ZNF624: variants seen among roughly 807,000 people sequenced by gnomAD.
ZNF624 encodes the protein zinc finger protein 624.
A neutral mutation model predicts 74.7 loss-of-function variants in ZNF624; 43 were observed. The ratio of observed to expected loss-of-function variants is 0.58; its 90% confidence interval spans 0.45 to 0.74. ZNF624 has a LOEUF of 0.74. Ranked by LOEUF, ZNF624 falls within the 30% of genes least tolerant of loss-of-function variation. The probability of loss-of-function intolerance (pLI) is 0.00; values close to 1 mark genes in which losing one functional copy is unlikely to be tolerated. For synonymous variants in ZNF624, 331 were observed against 341.3 expected, an observed-to-expected ratio of 0.97 and a Z score of 0.33; for missense variants, 820 against 1,030.0, an observed-to-expected ratio of 0.80 and a Z score of 2.79.
At chr17:16,652,585 T>C (rs1909752505) in intron 1 of ZNF624, among the ~76,000 whole-genome samples, 1 of 152,230 alleles carries the variant, frequency 6.6e-6, no homozygotes, top group Non-Finnish European at 1.5e-5. Flanking sequence ...ATAATTAGAA[T>C]AAACAATATT....
At chr17:16,644,576 T>C (rs941802852) in intron 3 of ZNF624, among the ~76,000 whole-genome samples, 2 of 152,190 alleles carry the variant, frequency 1.3e-5, no homozygotes, top group Non-Finnish European at 2.9e-5. Context: ...ATAAGCCTCA[T>C]ATTCTCTACC....
At chr17:16,646,451 C>T (rs1909594514) in intron 3 of ZNF624, among the ~76,000 whole-genome samples, 1 of 152,084 alleles carries the variant, frequency 6.6e-6, no homozygotes, top group South Asian at 2.1e-4. Context: ...TTTTAAAAAA[C>T]TTAAAAACAT....
At chr17:16,647,248 T>G in intron 3 of ZNF624, 81 bp downstream of exon 3, 1 of 1,208,132 alleles carries the variant, frequency 8.3e-7, no homozygotes, top group Non-Finnish European at 1.2e-6. Flanking sequence ...GAACTTGCAA[T>G]TAACTGGGAA....
intron 3 of ZNF624, among the ~76,000 whole-genome samples, chr17:16,640,882 T>C (rs1244859250): frequency 1.3e-5 from 2 of 152,086 alleles, no homozygotes; most frequent in African/African-American, 4.8e-5. Flanking sequence ...TTACCAAAAC[T>C]AGACAAAGAC....
chr17:16,634,810 C>T, intron 3 of ZNF624, 54 bp from the exon 4 acceptor site: 2 of 1,530,786 alleles, frequency 1.3e-6, no homozygotes, highest in East Asian at 2.3e-5. Flanking sequence ...ACTTGTTAGG[C>T]AGAATTATAC....
At chr17:16,651,244 C>T (rs990449811) in intron 1 of ZNF624, among the ~76,000 whole-genome samples, 2 of 151,810 alleles carry the variant, frequency 1.3e-5, no homozygotes, top group Non-Finnish European at 2.9e-5. Context: ...CTGGCTGACA[C>T]GGTGAAACCC....
chr17:16,640,456 T>TA (rs1909440625), intron 3 of ZNF624, among the ~76,000 whole-genome samples: 1 of 148,788 alleles, frequency 6.7e-6, no homozygotes, highest in African/African-American at 2.5e-5. Flanking sequence ...GCAGAGGAAA[T>TA]AAAAAAGGGC....
chr17:16,650,358 A>G (rs980058708), intron 1 of ZNF624, among the ~76,000 whole-genome samples: 7 of 151,994 alleles, frequency 4.6e-5, no homozygotes, highest in African/African-American at 1.5e-4. Context: ...CTGATATTCA[A>G]ATAGATCTTT....
rs1247732550 is a variant in ZNF624 at position 16,623,423 on chromosome 17, A to G, written c.1463T>C (p.Ile488Thr). 2.5e-6 allele frequency: 4 copies of G among 1,613,994 alleles called. No individual in the cohort carries two copies. Among genetic ancestry groups the G allele is most frequent in the East Asian group, 2.2e-5 (1 of 44,854 alleles). The stretch of plus-strand genomic sequence containing the variant: ...CCCAGTGTGAGTTCTTATATGTACG[A>G]TAAGGCTTGAATTACTTCTATAGGC... ...GKAYRSNSSL[I>T]VHIRTHTGEK... Residue 488 changes from isoleucine to threonine, a missense_variant, in exon 6 of 6, where the codon ATC becomes ACC. Transcript: ENST00000311331. The surrounding 1 kb of genome is among the most constrained non-coding windows in gnomAD (Gnocchi z 5.3).
chr17:16,622,499 G>A lies in ZNF624; in HGVS notation c.2387C>T (p.Thr796Ile). ...GKGCITLSQLTLHQRIHTGER... is the reference protein window; with the variant it reads ...GKGCITLSQLILHQRIHTGER... ...CCCAGTATGAATTCTCTGATGTAGG[G>A]TTAGCTGTGATAGAGTAATACAACC... is the stretch of plus-strand genomic sequence containing the variant. Residue 796 changes from threonine to isoleucine, a missense_variant, in exon 6 of 6, where the codon ACC becomes ATC. Thr to Ile is a moderately conservative substitution (Grantham distance 89). Coordinates refer to ENST00000311331, the MANE Select transcript of ZNF624 (RefSeq NM_020787.4). 2 of 1,613,826 alleles carry A rather than the reference G, an allele frequency of 1.2e-6. No individual in the cohort carries two copies. Among genetic ancestry groups the A allele is most frequent in the Non-Finnish European group, 1.7e-6 (2 of 1,179,834 alleles).
intron 2 of ZNF624, 44 bp from the exon 3 acceptor site, chr17:16,647,438 T>G: frequency 6.4e-7 from 1 of 1,559,158 alleles, no homozygotes; most frequent in Non-Finnish European, 8.9e-7. Context: ...AGGCTGCCTA[T>G]GACTTACAGC....
At chr17:16,618,185 A>AC (rs1324806945), downstream of ZNF624, among the ~76,000 whole-genome samples, 1 of 152,062 alleles carries the variant, frequency 6.6e-6, no homozygotes, top group African/African-American at 2.4e-5. Flanking sequence ...CTAAAAAAAA[A>AC]ATACAAAAAA....
Position 16,633,949 on chromosome 17 carries a change from C to T in ZNF624, c.289G>A (p.Val97Ile), listed in dbSNP as rs1188745525. 4 of 1,612,832 alleles carry T rather than the reference C, an allele frequency of 2.5e-6. No individual in the cohort carries two copies. The highest frequency in any genetic ancestry group is 3.4e-6 in the Non-Finnish European group (4 of 1,179,360). The change falls in exon 5 of 6, where the codon GTT (valine) becomes ATT (isoleucine). Residue 97 changes from valine to isoleucine, a missense_variant. Physicochemically the swap from Val to Ile is conservative, Grantham distance 29. Transcript: ENST00000311331. ...TGAGATATCATGTCTGGTTTGGAAACTGCAAGCCCTGTCCAGAGAAAAATA... is the reference window on the plus strand; with the variant it reads ...TGAGATATCATGTCTGGTTTGGAAATTGCAAGCCCTGTCCAGAGAAAAATA... ...YRNLVSLGLA[V>I]SKPDMISHLE...
At chr17:16,620,050 G>T (rs923162650), downstream of ZNF624, among the ~76,000 whole-genome samples, 2 of 152,192 alleles carry the variant, frequency 1.3e-5, no homozygotes, top group Non-Finnish European at 2.9e-5. Flanking sequence ...ATGTCAAATT[G>T]TTCATTTATG....
chr17:16,626,120 T>C (rs1405119892), intron 5 of ZNF624, among the ~76,000 whole-genome samples: 1 of 152,122 alleles, frequency 6.6e-6, no homozygotes, highest in Admixed American at 6.6e-5. Context: ...CAGCTAATTT[T>C]TCTTATTTTT....
chr17:16,649,893 G>A, intron 1 of ZNF624, 147 bp from the exon 2 acceptor site: 1 of 637,002 alleles, frequency 1.6e-6, no homozygotes, highest in African/African-American at 1.8e-5. Flanking sequence ...AAAGACCCTT[G>A]CTCCGGCAGA....
chr17:16,640,420 GAAATA>G (rs1355849589), intron 3 of ZNF624, among the ~76,000 whole-genome samples: 14 of 151,646 alleles, frequency 9.2e-5, no homozygotes, highest in Admixed American at 2.0e-4. Flanking sequence ...TATTAGAATG[GAAATA>G]AAATAGAGAA....
chr17:16,652,992 A>G (rs866508471), intron 1 of ZNF624, among the ~76,000 whole-genome samples: 2 of 152,236 alleles, frequency 1.3e-5, no homozygotes, highest in African/African-American at 2.4e-5. Flanking sequence ...TTCCCTATTT[A>G]CAAGCTCTGT....
chr17:16,624,909 C>A (rs1474314416), intron 5 of ZNF624: 1 of 154,854 alleles, frequency 6.5e-6, no homozygotes, highest in African/African-American at 2.7e-5. Flanking sequence ...TGGTGGTGTG[C>A]ACCTGTAGTC....
Sources: allele counts gnomAD v4.1 joint callset (sites outside exome capture counted in the v4.1 genomes callset), GRCh38; gene constraint gnomAD v4.1.1; non-coding constraint Gnocchi (gnomAD v3.1); transcripts MANE v1.5; gene names NCBI Gene and HGNC (gene_info 2026-07-23, HGNC 2026-07-21).